Variants in BNC2 observed in about 807,000 individuals in gnomAD.
BNC2 encodes the protein zinc finger protein basonuclin-2.
BNC2 carries 20 observed loss-of-function variants against 76.3 expected under a neutral mutation model. The ratio of observed to expected loss-of-function variants is 0.26; its 90% CI spans 0.18 to 0.38. The LOEUF is 0.38. BNC2 is among the 10% of genes least tolerant of loss of function. The probability of loss-of-function intolerance (pLI) is 1.00; values close to 1 mark genes in which losing one functional copy is unlikely to be tolerated. For synonymous variants in BNC2, 582 were observed against 514.8 expected (o/e 1.13, Z -1.77); for missense variants, 1,382 against 1,399.8 (o/e 0.99, Z 0.20).
At chr9:16,866,887 T>C (rs926392086) in intron 1 of BNC2, among the ~76,000 whole-genome samples, 9 of 152,136 alleles carry the variant, frequency 5.9e-5, no homozygotes, top group African/African-American at 2.2e-4. Context: ...TTGAGGAGGC[T>C]ACCTCCCCTT....
intron 3 of BNC2, among the ~76,000 whole-genome samples, chr9:16,651,640 G>T (rs930802326): frequency 6.6e-6 from 1 of 152,088 alleles, no homozygotes; most frequent in African/African-American, 2.4e-5. Flanking sequence ...CTATAAAATG[G>T]CTCATCAATC....
intron 1 of BNC2, among the ~76,000 whole-genome samples, chr9:16,760,528 C>T (rs757839655): frequency 3.3e-5 from 5 of 152,058 alleles, no homozygotes; most frequent in African/African-American, 4.8e-5. Flanking sequence ...AAAAAAGGTC[C>T]AATCCAGGAT....
intron 6 of BNC2, among the ~76,000 whole-genome samples, chr9:16,433,087 A>G (rs112265610): frequency 4.6e-4 from 70 of 152,294 alleles, no homozygotes; most frequent in Middle Eastern, 3.4e-3. Context: ...AGGCACCCCA[A>G]TGGCATCACT....
rs1051135724 is a variant in BNC2, at chr9:16,414,045, C to A, written c.*4944G>T. ...TTCGGTTCTCAGGGGATTCCAGCAA[C>A]ACTTCCCACTCAAAAACAAAGCAAA... is the stretch of plus-strand genomic sequence containing the variant. On this transcript the variant is annotated 3_prime_UTR_variant, in exon 7 of 7. Coordinates refer to ENST00000380672, the MANE Select transcript of BNC2 (RefSeq NM_017637.6). 2.6e-5 allele frequency: 4 copies of A among 152,184 alleles called. No individual in the cohort carries two copies. The highest frequency in any genetic ancestry group is 4.4e-5 in the Non-Finnish European group (3 of 68,062). 9.4% of individuals were successfully genotyped at this position (152,184 alleles called of 1,614,324 possible).
At chr9:16,717,392 A>G (rs892437051) in intron 3 of BNC2, among the ~76,000 whole-genome samples, 9 of 152,202 alleles carry the variant, frequency 5.9e-5, no homozygotes, top group African/African-American at 2.2e-4. Flanking sequence ...AAAATCATTT[A>G]AAAAACAAAA....
chr9:16,759,996 T>A (rs1036729977), intron 1 of BNC2, among the ~76,000 whole-genome samples: 2 of 152,294 alleles, frequency 1.3e-5, no homozygotes, highest in East Asian at 1.9e-4. Context: ...GTGCTGGGAT[T>A]ACAGGCGTGA....
At chr9:16,489,881 G>C (rs185187309) in intron 5 of BNC2, among the ~76,000 whole-genome samples, 2 of 152,284 alleles carry the variant, frequency 1.3e-5, no homozygotes, top group South Asian at 2.1e-4. Flanking sequence ...ACCGGCAGTA[G>C]AACAAGAGCC....
chr9:16,463,547 C>T lies in BNC2; in HGVS notation c.670-26023G>A, dbSNP rs1224305417. Among the ~76,000 whole-genome samples, 15 of 143,518 alleles carry T rather than the reference C, an allele frequency of 1.0e-4. 1 individual carries two copies. Among genetic ancestry groups the T allele is most frequent in the African/African-American group, 4.4e-4 (15 of 33,728 alleles). The allele number at this position is 143,518 out of a possible 152,430, so 94.2% of individuals were successfully genotyped here. ...TCCTGACCTCGTGATCCGCCCGCCT[C>T]GGCCTCCCAAAGTGCTGGGACTACA... On this transcript the variant is annotated intron_variant, in intron 5 of 6. Coordinates refer to ENST00000380672, the MANE Select transcript of BNC2 (RefSeq NM_017637.6).
At chr9:16,809,859 T>C (rs1818002938) in intron 1 of BNC2, among the ~76,000 whole-genome samples, 1 of 152,160 alleles carries the variant, frequency 6.6e-6, no homozygotes, top group African/African-American at 2.4e-5. Flanking sequence ...TTCTATATGA[T>C]AAAGGAATAA....
At position 16,606,349 on chromosome 9, in the gene BNC2, AATTTT is replaced by A. The variant is rs577242718; in HGVS notation, c.331-23269_331-23265del. 4.2e-3 allele frequency among the ~76,000 whole-genome samples: 638 copies of A among 152,240 alleles called. 3 individuals carry two copies. Among genetic ancestry groups the A allele is most frequent in the Non-Finnish European group, 6.0e-3 (405 of 68,014 alleles). On this transcript the variant is annotated intron_variant, in intron 3 of 6. Transcript: ENST00000380672. ...AGAGGGGAGAAATATATAGGCATTCAATTTTATTTATTAATTTATTTATATGGTTT... is the reference window on the plus strand; with the variant it reads ...AGAGGGGAGAAATATATAGGCATTCAATTTATTAATTTATTTATATGGTTT...
At chr9:16,796,680 G>T (rs1048118893) in intron 1 of BNC2, among the ~76,000 whole-genome samples, 1 of 151,662 alleles carries the variant, frequency 6.6e-6, no homozygotes, top group Non-Finnish European at 1.5e-5. Context: ...GAAGAGAAAA[G>T]AAAGAAAGAA....
At chr9:16,596,604 GAAA>G (rs1820089282) in intron 3 of BNC2, among the ~76,000 whole-genome samples, 1 of 152,136 alleles carries the variant, frequency 6.6e-6, no homozygotes, top group South Asian at 2.1e-4. Flanking sequence ...GCAGGCAGAA[GAAA>G]CTACAAAAGG....
At chr9:16,837,308 A>T (rs1056684061) in intron 1 of BNC2, among the ~76,000 whole-genome samples, 1 of 152,192 alleles carries the variant, frequency 6.6e-6, no homozygotes, top group Non-Finnish European at 1.5e-5. Flanking sequence ...ATTCGAGACC[A>T]GCCTGGCCAA....
intron 1 of BNC2, among the ~76,000 whole-genome samples, chr9:16,829,423 A>C (rs1013715669): frequency 5.3e-5 from 8 of 152,182 alleles, no homozygotes; most frequent in African/African-American, 1.9e-4. Flanking sequence ...CCTGATCCGA[A>C]TATGTTGTCT....
chr9:16,592,011 G>A (rs986544627), intron 3 of BNC2, among the ~76,000 whole-genome samples: 17 of 151,988 alleles, frequency 1.1e-4, no homozygotes, highest in Non-Finnish European at 7.3e-5. Flanking sequence ...AAGAGCCTGG[G>A]TTTGCTGGAC....
At chr9:16,766,406 A>G (rs952883901) in intron 1 of BNC2, among the ~76,000 whole-genome samples, 11 of 152,076 alleles carry the variant, frequency 7.2e-5, no homozygotes, top group African/African-American at 2.7e-4. Flanking sequence ...GATTTTCAGG[A>G]TGCTTAAATT....
chr9:16,656,791 A>T (rs575520880), intron 3 of BNC2, among the ~76,000 whole-genome samples: 1 of 152,324 alleles, frequency 6.6e-6, no homozygotes, highest in South Asian at 2.1e-4. Flanking sequence ...GGACTTATTC[A>T]TCTTATATAA....
At chr9:16,600,232 A>G (rs1319825009) in intron 3 of BNC2, among the ~76,000 whole-genome samples, 3 of 152,340 alleles carry the variant, frequency 2.0e-5, no homozygotes, top group Admixed American at 2.0e-4. Flanking sequence ...AGTGAATCAT[A>G]AATAGATAAG....
chr9:16,787,207 A>T (rs1213288546), intron 1 of BNC2, among the ~76,000 whole-genome samples: 1 of 152,220 alleles, frequency 6.6e-6, no homozygotes, highest in African/African-American at 2.4e-5. Context: ...CAAGAGTGTC[A>T]GAAGCCCTGG....
Sources: gnomAD v4.1 joint callset for allele counts (sites outside exome capture counted in the v4.1 genomes callset) on GRCh38, gnomAD v4.1.1 for gene constraint, MANE v1.5 for transcripts, NCBI Gene and HGNC (gene_info 2026-07-23, HGNC 2026-07-21) for gene names.